The following GTF2F2 variants were observed in gnomAD, a reference collection of about 807,000 sequenced individuals.
GTF2F2 encodes the protein general transcription factor IIF subunit 2, also known as ATP-dependent helicase GTF2F2.
A neutral mutation model predicts 42.2 loss-of-function variants in GTF2F2; 23 were observed. The ratio of observed to expected loss-of-function variants is 0.55; its 90% CI spans 0.39 to 0.77. The LOEUF (loss-of-function observed/expected upper bound fraction) is 0.77. Among genes scored for constraint, GTF2F2 ranks in the 30% least tolerant of loss-of-function variants. The pLI, the probability that GTF2F2 is intolerant of heterozygous loss-of-function variation, is 0.00. For missense variants in GTF2F2, 261 were observed against 287.2 expected (o/e 0.91, Z 0.66); for synonymous variants, 105 against 100.8 (o/e 1.04, Z -0.25).
At chr13:45,282,880 A>G (rs1877319443) in intron 7 of GTF2F2, among the ~76,000 whole-genome samples, 1 of 152,196 alleles carries the variant, frequency 6.6e-6, no homozygotes, top group South Asian at 2.1e-4. Flanking sequence ...TACAAATAAC[A>G]ACTCTCCTTC....
chr13:45,222,018 T>A (rs1357521749), intron 5 of GTF2F2, among the ~76,000 whole-genome samples: 5 of 152,286 alleles, frequency 3.3e-5, no homozygotes. Context: ...CGACCACTGC[T>A]GGGTGAAATA....
chr13:45,165,500 G>A (rs1398630569), intron 4 of GTF2F2, among the ~76,000 whole-genome samples: 1 of 151,414 alleles, frequency 6.6e-6, no homozygotes, highest in Non-Finnish European at 1.5e-5. Context: ...CTGTATATTA[G>A]TAGAGAAGAT....
At chr13:45,256,516 A>T (rs1163798354) in intron 6 of GTF2F2, among the ~76,000 whole-genome samples, 1 of 152,176 alleles carries the variant, frequency 6.6e-6, no homozygotes, top group East Asian at 1.9e-4. Context: ...TATAGTAATG[A>T]ATCTTTGATT....
chr13:45,208,746 A>G (rs1304620625), intron 5 of GTF2F2, among the ~76,000 whole-genome samples: 1 of 152,206 alleles, frequency 6.6e-6, no homozygotes, highest in African/African-American at 2.4e-5. Context: ...TGAGAATGAC[A>G]TAGACATGTT....
intron 5 of GTF2F2, among the ~76,000 whole-genome samples, chr13:45,226,121 GT>G (rs1874341173): frequency 6.6e-6 from 1 of 151,972 alleles, no homozygotes; most frequent in South Asian, 2.1e-4. Flanking sequence ...TGGGTCAGTG[GT>G]TGTCCCCAAA....
intron 7 of GTF2F2, among the ~76,000 whole-genome samples, chr13:45,280,638 C>T (rs1357362238): frequency 3.3e-5 from 5 of 152,126 alleles, no homozygotes; most frequent in Non-Finnish European, 7.3e-5. Context: ...AAGAATGACA[C>T]CTTCGTTTAT....
chr13:45,205,832 T>A (rs1263233797), intron 4 of GTF2F2, among the ~76,000 whole-genome samples: 1 of 152,202 alleles, frequency 6.6e-6, no homozygotes, highest in Non-Finnish European at 1.5e-5. Context: ...TTTATTTTTT[T>A]AAAGGATTAA....
intron 4 of GTF2F2, among the ~76,000 whole-genome samples, chr13:45,200,038 A>G (rs535439293): frequency 3.3e-5 from 5 of 152,170 alleles, no homozygotes; most frequent in Non-Finnish European, 5.9e-5. Context: ...TACCATTTCT[A>G]TAACTGAGGT....
intron 5 of GTF2F2, among the ~76,000 whole-genome samples, chr13:45,248,132 C>T (rs1350067478): frequency 2.6e-5 from 4 of 152,126 alleles, no homozygotes; most frequent in African/African-American, 7.2e-5. Context: ...CGTGAGCCAC[C>T]GTGCCTGGCC....
chr13:45,202,185 A>C (rs1593488736), intron 4 of GTF2F2, among the ~76,000 whole-genome samples: 1 of 152,050 alleles, frequency 6.6e-6, no homozygotes, highest in African/African-American at 2.4e-5. Context: ...TCAGGAGTTC[A>C]AGACCAGCCT....
At chr13:45,136,974 C>T (rs768967090) in intron 2 of GTF2F2, among the ~76,000 whole-genome samples, 168 bp downstream of exon 2, 25 of 152,186 alleles carry the variant, frequency 1.6e-4, no homozygotes, top group Non-Finnish European at 3.4e-4. Context: ...AGGAGACATC[C>T]TTGCACATAC....
At chr13:45,155,338 CT>C (rs1870702435) in intron 4 of GTF2F2, among the ~76,000 whole-genome samples, 2 of 152,100 alleles carry the variant, frequency 1.3e-5, no homozygotes, top group Non-Finnish European at 2.9e-5. Context: ...AGAACTGTAC[CT>C]GCTTTTCTAG....
At chr13:45,175,306 G>A (rs1175244148) in intron 4 of GTF2F2, among the ~76,000 whole-genome samples, 1 of 152,094 alleles carries the variant, frequency 6.6e-6, no homozygotes, top group Admixed American at 6.6e-5. Flanking sequence ...GTATTCCATT[G>A]TGTATATATA....
chr13:45,124,248 A>T, intron 1 of GTF2F2: 1 of 294,944 alleles, frequency 3.4e-6, no homozygotes, highest in African/African-American at 2.2e-5. Flanking sequence ...ACGCCCGGCT[A>T]ATTTTTTGTA....
At chr13:45,259,821 C>G (rs1876261162) in intron 6 of GTF2F2, among the ~76,000 whole-genome samples, 1 of 151,992 alleles carries the variant, frequency 6.6e-6, no homozygotes. Context: ...CCACACCTGG[C>G]CAATGTGATC....
intron 4 of GTF2F2, among the ~76,000 whole-genome samples, chr13:45,168,173 A>C (rs934920341): frequency 1.3e-5 from 2 of 152,176 alleles, no homozygotes; most frequent in African/African-American, 4.8e-5. Flanking sequence ...CTTTACATTC[A>C]CAAGTTTGGG....
At chr13:45,237,586 T>A (rs926784649) in intron 5 of GTF2F2, among the ~76,000 whole-genome samples, 1 of 152,180 alleles carries the variant, frequency 6.6e-6, no homozygotes, top group Non-Finnish European at 1.5e-5. Flanking sequence ...TAATTCTCAT[T>A]GTTTTCCATG....
At chr13:45,141,569 G>T (rs1869929056) in intron 2 of GTF2F2, among the ~76,000 whole-genome samples, 1 of 152,122 alleles carries the variant, frequency 6.6e-6, no homozygotes, top group Non-Finnish European at 1.5e-5. Context: ...ACGGTGGGTA[G>T]TTATTCTATG....
At chr13:45,208,781 T>G (rs1327102780) in intron 5 of GTF2F2, among the ~76,000 whole-genome samples, 1 of 152,198 alleles carries the variant, frequency 6.6e-6, no homozygotes, top group Non-Finnish European at 1.5e-5. Flanking sequence ...TTCCTCTAAT[T>G]TAAATGTGTC....
Sources: allele counts gnomAD v4.1 joint callset (sites outside exome capture counted in the v4.1 genomes callset), GRCh38; gene constraint gnomAD v4.1.1; transcripts MANE v1.5; gene names NCBI Gene and HGNC (gene_info 2026-07-23, HGNC 2026-07-21).